The following VWA5B2 variants were observed in gnomAD, a reference collection of about 807,000 sequenced individuals.
The protein encoded by VWA5B2 is von Willebrand factor A domain containing 5B2.
Under a neutral mutation model 118.5 loss-of-function variants are expected in VWA5B2, and 93 were observed. The observed-to-expected ratio is 0.79, with a 90% CI of 0.66 to 0.93. VWA5B2 has a LOEUF of 0.93. VWA5B2 is among the 40% of genes least tolerant of loss of function. The pLI, the probability that VWA5B2 is intolerant of heterozygous loss-of-function variation, is 0.00. For synonymous variants in VWA5B2, 708 were observed against 716.3 expected (o/e 0.99, Z 0.19); for missense variants, 1,546 against 1,672.8 (o/e 0.92, Z 1.32).
At position 184,237,313 on chromosome 3, in the gene VWA5B2, CTGA is replaced by C. The variant is rs1192123297; in HGVS notation, c.1622_1624del (p.Leu541_Thr542delinsPro). On this transcript the variant is annotated inframe_deletion, in exon 12 of 20. Coordinates refer to ENST00000691901, the MANE Select transcript of VWA5B2 (RefSeq NM_001390846.1). The surrounding 1 kb of genome is among the most constrained non-coding windows in gnomAD (Gnocchi z 5.6). The stretch of plus-strand genomic sequence containing the variant: ...TGTGCCCGACACTGTGGAGGCACTG[CTGA>C]CCCCCCGGGAGATCCCAGCACTCTA... 6.4e-7 allele frequency: 1 copy of C among 1,551,570 alleles called. No individual in the cohort carries two copies. The highest frequency in any genetic ancestry group is 8.7e-7 in the Non-Finnish European group (1 of 1,147,018).
rs1687225 is a variant in VWA5B2, at chr3:184,230,875, G to A, written c.268G>A (p.Gly90Ser). 0.22 allele frequency: 276,145 copies of A among 1,235,404 alleles called. 31,485 individuals carry two copies. Among genetic ancestry groups the A allele is most frequent in the Middle Eastern group, 0.23 (736 of 3,156 alleles). The allele number at this position is 1,235,404 out of a possible 1,614,324, so 76.5% of individuals were successfully genotyped here. A position where few individuals can be genotyped will look rare whatever the true frequency, so the allele number is the denominator to read the frequency against. ...GCAGGCCGCCTGCTGCCGCGCTCTG[G>A]GCCCGGGGCTGGGGACCCCGACGCC... The part of the protein sequence containing the change: ...RSQAACCRAL[G>S]PGLGTPTPRR... Residue 90 changes from glycine (G) to serine (S), a missense_variant, in exon 3 of 20, where the codon GGC (glycine) becomes AGC (serine). Gly to Ser is a moderately conservative substitution (Grantham distance 56). Transcript: ENST00000691901.
rs913396638 is a variant in VWA5B2, at chr3:184,233,798, A to G, written c.688+65A>G. On this transcript the variant is annotated intron_variant, in intron 5 of 19. Coordinates refer to ENST00000691901, the MANE Select transcript of VWA5B2 (RefSeq NM_001390846.1). The surrounding 1 kb of genome is among the most constrained non-coding windows in gnomAD (Gnocchi z 5.2). ...CACTCCACCCAGTGTAGTGACTGGA[A>G]GGGAAATAAGGCTCAGGGATAGGAG... 6.6e-7 allele frequency: 1 copy of G among 1,526,650 alleles called. No homozygotes were observed. The highest frequency in any genetic ancestry group is 8.8e-7 in the Non-Finnish European group (1 of 1,134,884). 94.6% of individuals were successfully genotyped at this position (1,526,650 alleles called of 1,614,324 possible).
Position 184,230,755 on chromosome 3 carries a change from G to A in VWA5B2, c.148G>A (p.Val50Met), listed in dbSNP as rs1467023722. Residue 50 changes from valine (V) to methionine (M), a missense_variant, in exon 3 of 20, where the codon GTG becomes ATG. Val to Met is a conservative substitution (Grantham distance 21, BLOSUM62 1). Around this residue, in one of 3 missense-constraint regions of VWA5B2, gnomAD observed 775 missense variants for 882.3 expected, o/e 0.88. Transcript: ENST00000691901. Reference protein sequence around the residue: ...PQPQPVDGVFVYPLAEAEVVS... With the variant: ...PQPQPVDGVFMYPLAEAEVVS... The stretch of plus-strand genomic sequence containing the variant: ...CCCGCCGCCCTCCCCAGGCGTGTTC[G>A]TGTACCCGCTGGCCGAGGCCGAGGT... 2 of 1,225,516 alleles carry A rather than the reference G, an allele frequency of 1.6e-6. No individual in the cohort carries two copies. The highest frequency in any genetic ancestry group is 3.4e-5 in the East Asian group (1 of 29,562). 75.9% of individuals were successfully genotyped at this position (1,225,516 alleles called of 1,614,324 possible). A position where few individuals can be genotyped will look rare whatever the true frequency, so the allele number is the denominator to read the frequency against.
chr3:184,233,363 G>C lies in VWA5B2; in HGVS notation c.496G>C (p.Gly166Arg). 6.5e-7 allele frequency: 1 copy of C among 1,540,258 alleles called. No homozygotes were observed. Among genetic ancestry groups the C allele is most frequent in the Non-Finnish European group, 8.8e-7 (1 of 1,142,808 alleles). ...LTPLAPPGPP[G>R]PPRPPGLCDD... is the part of the protein sequence containing the mutation. ...CCCGCTGGCCCCGCCAGGCCCGCCG[G>C]GGCCCCCCAGGCCTCCGGGGCTCTG... Residue 166 changes from glycine to arginine, a missense_variant, in exon 4 of 20, where the codon GGG (glycine) becomes CGG (arginine). Transcript: ENST00000691901. This position sits in a 1 kb window ranked among gnomAD's most constrained non-coding sequence, Gnocchi z 5.2.
chr3:184,234,842 T>C lies in VWA5B2; in HGVS notation c.945+87T>C, dbSNP rs1426086510. 2.6e-6 allele frequency: 4 copies of C among 1,515,776 alleles called. No individual in the cohort carries two copies. The Admixed American group carries it at 6.7e-5, about 26-fold the overall frequency. The allele number at this position is 1,515,776 out of a possible 1,614,324, so 93.9% of individuals were successfully genotyped here. A position where few individuals can be genotyped will look rare whatever the true frequency, so the allele number is the denominator to read the frequency against. On this transcript the variant is annotated intron_variant, in intron 7 of 19. Coordinates refer to ENST00000691901, the MANE Select transcript of VWA5B2 (RefSeq NM_001390846.1). ...GCAAGCAGGCTTACATTGGAATGGG[T>C]GCGGGGAGGCCTCTTTTCTCGGTAA...
intron 1 of VWA5B2, among the ~76,000 whole-genome samples, chr3:184,230,015 G>A (rs1171975076): frequency 1.3e-5 from 2 of 152,198 alleles, no homozygotes; most frequent in African/African-American, 4.8e-5. Context: ...CCCTTTCGGC[G>A]CCCCATCCAC....
At position 184,236,193 on chromosome 3, in the gene VWA5B2, G is replaced by T; in HGVS notation, c.1143G>T (p.Thr381=). 1.3e-6 allele frequency: 2 copies of T among 1,551,702 alleles called. No individual in the cohort carries two copies. The highest frequency in any genetic ancestry group is 1.7e-6 in the Non-Finnish European group (2 of 1,146,994). Residue 381 remains threonine, a synonymous_variant, in exon 9 of 20, where the codon ACG becomes ACT. Transcript: ENST00000691901. Reference sequence around the variant, plus strand: ...CTGTGAAGTCCCTCCCGCCCCAGACGCTTATCAACCTGGCCGTGTTTGGGA... The same window carrying T: ...CTGTGAAGTCCCTCCCGCCCCAGACTCTTATCAACCTGGCCGTGTTTGGGA... ...VLAVKSLPPQ[T]LINLAVFGTL...
At position 184,236,462 on chromosome 3, in the gene VWA5B2, G is replaced by A; in HGVS notation, c.1332G>A (p.Arg444=). 1 of 1,546,720 alleles carries A rather than the reference G, an allele frequency of 6.5e-7. No homozygotes were observed. Among genetic ancestry groups the A allele is most frequent in the Non-Finnish European group, 8.7e-7 (1 of 1,146,956 alleles). ...VGQPQHRAYP[R]QLFLLTAASP... ...AGCCCCAGCACAGGGCCTACCCTCG[G>A]CAGCTGTTCCTGCTCACTGCTGCCT... The change falls in exon 10 of 20, where the codon CGG becomes CGA. Residue 444 remains arginine, a synonymous_variant. Transcript: ENST00000691901.
At position 184,241,739 on chromosome 3, in the gene VWA5B2, C is replaced by G; in HGVS notation, c.3430C>G (p.Arg1144Gly). 1.3e-6 allele frequency: 2 copies of G among 1,488,288 alleles called. No homozygotes were observed. Among genetic ancestry groups the G allele is most frequent in the Non-Finnish European group, 1.8e-6 (2 of 1,121,972 alleles). 92.2% of individuals were successfully genotyped at this position (1,488,288 alleles called of 1,614,324 possible). The change falls in exon 20 of 20, where the codon CGG (arginine) becomes GGG (glycine). Residue 1144 changes from arginine to glycine, a missense_variant. Transcript: ENST00000691901. This position sits in a 1 kb window ranked among gnomAD's most constrained non-coding sequence, Gnocchi z 5.1. ...GGGGCCAGGCCAGGTGGACAGTGGGCGGGGCTCAGACACCGAGGCCTCCGA... is the reference window on the plus strand; with the variant it reads ...GGGGCCAGGCCAGGTGGACAGTGGGGGGGGCTCAGACACCGAGGCCTCCGA... ...SEGPGQVDSG[R>G]GSDTEASEGA... is the part of the protein sequence containing the mutation.
At position 184,242,017 on chromosome 3, in the gene VWA5B2, C is replaced by T. The variant is rs776879419; in HGVS notation, c.3708C>T (p.Cys1236=). Residue 1236 remains cysteine (C), a synonymous_variant, in exon 20 of 20, where the codon TGC becomes TGT. Coordinates refer to ENST00000691901, the MANE Select transcript of VWA5B2 (RefSeq NM_001390846.1). ...WDQNLQLHLL[C]YSPANV is the part of the protein sequence containing the mutation. ...AAAACCTGCAGCTACACCTGCTGTG[C>T]TACAGCCCAGCGAACGTGTGAAGGC... is the stretch of plus-strand genomic sequence containing the variant. 1 of 1,550,042 alleles carries T rather than the reference C, an allele frequency of 6.5e-7. No homozygotes were observed. Among genetic ancestry groups the T allele is most frequent in the South Asian group, 1.2e-5 (1 of 84,044 alleles).
Position 184,239,520 on chromosome 3 carries a change from G to A in VWA5B2, c.2329G>A (p.Ala777Thr). 6.5e-7 allele frequency: 1 copy of A among 1,549,456 alleles called. No individual in the cohort carries two copies. The highest frequency in any genetic ancestry group is 2.0e-5 in the Admixed American group (1 of 50,768). Reference sequence around the variant, plus strand: ...CCGACCCCGGAAACCCTCTTTGGGTGCAATACTAGATGGCCCAAGTCCTGA... The same window carrying A: ...CCGACCCCGGAAACCCTCTTTGGGTACAATACTAGATGGCCCAAGTCCTGA... ...PGRPRKPSLGAILDGPSPEPG... is the reference protein window; with the variant it reads ...PGRPRKPSLGTILDGPSPEPG... Residue 777 changes from alanine to threonine, a missense_variant, in exon 15 of 20, where the codon GCA becomes ACA. Physicochemically the swap from Ala to Thr is moderately conservative, Grantham distance 58. Transcript: ENST00000691901. This position sits in a 1 kb window ranked among gnomAD's most constrained non-coding sequence, Gnocchi z 5.1.
chr3:184,233,546 C>G lies in VWA5B2; in HGVS notation c.531-30C>G. 6.5e-7 allele frequency: 1 copy of G among 1,544,736 alleles called. No homozygotes were observed. On this transcript the variant is annotated intron_variant, in intron 4 of 19. Transcript: ENST00000691901. The surrounding 1 kb of genome is among the most constrained non-coding windows in gnomAD (Gnocchi z 5.2). Reference sequence around the variant, plus strand: ...GAGGGTTTAGGGGCCTTCACAGTGGCCCAGTGACCCTCCTCATGCTCCCTT... The same window carrying G: ...GAGGGTTTAGGGGCCTTCACAGTGGGCCAGTGACCCTCCTCATGCTCCCTT...
rs188642886 is a variant in VWA5B2 at position 184,233,895 on chromosome 3, C to A, written c.688+162C>A. On this transcript the variant is annotated intron_variant, in intron 5 of 19. Coordinates refer to ENST00000691901, the MANE Select transcript of VWA5B2 (RefSeq NM_001390846.1). This position sits in a 1 kb window ranked among gnomAD's most constrained non-coding sequence, Gnocchi z 5.2. Reference sequence around the variant, plus strand: ...GTTAGTGGTGGGAGCATCCCCTGGTCACCTCTACCCAACACACACACCCCA... The same window carrying A: ...GTTAGTGGTGGGAGCATCCCCTGGTAACCTCTACCCAACACACACACCCCA... 7.9e-5 allele frequency among the ~76,000 whole-genome samples: 12 copies of A among 152,288 alleles called. No homozygotes were observed.
chr3:184,239,283 TGA>T lies in VWA5B2; in HGVS notation c.2203-109_2203-108del. 8.0e-7 allele frequency: 1 copy of T among 1,250,012 alleles called. No homozygotes were observed. Among genetic ancestry groups the T allele is most frequent in the Non-Finnish European group, 1.1e-6 (1 of 945,662 alleles). The allele number at this position is 1,250,012 out of a possible 1,614,324, so 77.4% of individuals were successfully genotyped here. On this transcript the variant is annotated intron_variant, in intron 14 of 19. Coordinates refer to ENST00000691901, the MANE Select transcript of VWA5B2 (RefSeq NM_001390846.1). This position sits in a 1 kb window ranked among gnomAD's most constrained non-coding sequence, Gnocchi z 5.1. The stretch of plus-strand genomic sequence containing the variant: ...AACTTGGCCTTCCTCCTCAAGCTGG[TGA>T]GCGGCCACCCAGGGTTTCAGAAAAG...
chr3:184,230,257 G>C (rs889338328), intron 1 of VWA5B2, among the ~76,000 whole-genome samples, 123 bp from the exon 2 acceptor site: 1 of 152,192 alleles, frequency 6.6e-6, no homozygotes, highest in African/African-American at 2.4e-5. Context: ...GGACTGCTGG[G>C]CGCCGAAGCG....
In VWA5B2 at chr3:184,230,835, G is replaced by A; in HGVS notation, c.228G>A (p.Gln76=). ...GACGGCGCGTCTCCTTCCAGCTGCA[G>A]AGCCGGCGCCGCTCGCAGGCCGCCT... ...AAGRRVSFQL[Q]SRRRSQAACC... The change falls in exon 3 of 20, where the codon CAG becomes CAA. Residue 76 remains glutamine (Q), a synonymous_variant. Coordinates refer to ENST00000691901, the MANE Select transcript of VWA5B2 (RefSeq NM_001390846.1). The A allele has an allele frequency of 1.6e-6, 2 of 1,249,080 alleles. No homozygotes were observed. The highest frequency in any genetic ancestry group is 6.0e-5 in the South Asian group (2 of 33,284). The allele number at this position is 1,249,080 out of a possible 1,614,324, so 77.4% of individuals were successfully genotyped here.
intron 16 of VWA5B2, chr3:184,240,513 G>A (rs1276717503): frequency 7.8e-6 from 4 of 510,930 alleles, no homozygotes; most frequent in Admixed American, 6.7e-5. Context: ...AGAAGCAGGT[G>A]GAGGAAAATG....
chr3:184,236,158 A>C lies in VWA5B2; in HGVS notation c.1108A>C (p.Ile370Leu). 1.3e-6 allele frequency: 2 copies of C among 1,551,408 alleles called. No homozygotes were observed. The highest frequency in any genetic ancestry group is 8.7e-7 in the Non-Finnish European group (1 of 1,146,968). The part of the protein sequence containing the change: ...DSSSVAHKDA[I>L]VLAVKSLPPQ... Reference sequence around the variant, plus strand: ...CCTCCCTGGCCCTCCACAGGATGCCATTGTTTTGGCTGTGAAGTCCCTCCC... The same window carrying C: ...CCTCCCTGGCCCTCCACAGGATGCCCTTGTTTTGGCTGTGAAGTCCCTCCC... Residue 370 changes from isoleucine (I) to leucine (L), a missense_variant, in exon 9 of 20, where the codon ATT becomes CTT. Around this residue, in one of 3 missense-constraint regions of VWA5B2, gnomAD observed 775 missense variants for 882.3 expected, o/e 0.88. Transcript: ENST00000691901.
At position 184,236,406 on chromosome 3, in the gene VWA5B2, G is replaced by A. The variant is rs570895262; in HGVS notation, c.1276G>A (p.Val426Met). 111 of 1,546,092 alleles carry A rather than the reference G, an allele frequency of 7.2e-5. No individual in the cohort carries two copies. Among genetic ancestry groups the A allele is most frequent in the South Asian group, 2.6e-4 (22 of 83,996 alleles). ...TLQVPSGPPDVLAALDWAVGQ... is the reference protein window; with the variant it reads ...TLQVPSGPPDMLAALDWAVGQ... ...GCAGGTTCCGAGTGGGCCCCCAGAC[G>A]TGCTGGCTGCTCTGGACTGGGCCGT... Residue 426 changes from valine to methionine, a missense_variant, in exon 10 of 20, where the codon GTG becomes ATG. Around this residue, in one of 3 missense-constraint regions of VWA5B2, gnomAD observed 775 missense variants for 882.3 expected, o/e 0.88. Coordinates refer to ENST00000691901, the MANE Select transcript of VWA5B2 (RefSeq NM_001390846.1).
Sources: gnomAD v4.1 joint callset for allele counts (sites outside exome capture counted in the v4.1 genomes callset) on GRCh38, gnomAD v4.1.1 for gene constraint, gnomAD v4.1.1 regional missense constraint, Gnocchi (gnomAD v3.1) non-coding constraint, MANE v1.5 for transcripts, NCBI Gene and HGNC (gene_info 2026-07-23, HGNC 2026-07-21) for gene names.